Variants in HYDIN observed in about 807,000 individuals in gnomAD.
HYDIN encodes the protein axonemal central pair apparatus protein HYDIN.
Under a neutral mutation model 403.9 loss-of-function variants are expected in HYDIN, and 132 were observed. The observed-to-expected ratio is 0.33, with a 90% CI of 0.28 to 0.38. The LOEUF is 0.38. HYDIN is among the 10% of genes least tolerant of loss of function. The pLI is 1.00. For synonymous variants in HYDIN, 1,202 were observed against 1,891.7 expected, an observed-to-expected ratio of 0.64 and a Z score of 9.46; for missense variants, 2,827 against 5,009.5, an observed-to-expected ratio of 0.56 and a Z score of 13.15.
chr16:71,183,001 G>A (rs2086969814), intron 3 of HYDIN, among the ~76,000 whole-genome samples: 1 of 152,058 alleles, frequency 6.6e-6, no homozygotes, highest in Non-Finnish European at 1.5e-5. Context: ...AATGCTATGA[G>A]ACAACATGGA....
chr16:70,966,808 A>G (rs1011076226), intron 36 of HYDIN, among the ~76,000 whole-genome samples: 1 of 152,108 alleles, frequency 6.6e-6, no homozygotes, highest in African/African-American at 2.4e-5. Flanking sequence ...TGAGCTGTAG[A>G]CAACCCAGAA....
At chr16:70,982,107 G>A (rs1039027739) in intron 28 of HYDIN, among the ~76,000 whole-genome samples, 1 of 134,916 alleles carries the variant, frequency 7.4e-6, no homozygotes, top group African/African-American at 2.8e-5. Context: ...CAACCTGAGC[G>A]ACAGAGCAAG....
At chr16:70,994,200 C>G (rs987912813) in intron 23 of HYDIN, among the ~76,000 whole-genome samples, 1 of 151,772 alleles carries the variant, frequency 6.6e-6, no homozygotes, top group Admixed American at 6.6e-5. Flanking sequence ...TACCCTATTG[C>G]ACAGGGTCTT....
At chr16:71,219,461 T>C (rs946257629) in intron 1 of HYDIN, among the ~76,000 whole-genome samples, 1 of 152,152 alleles carries the variant, frequency 6.6e-6, no homozygotes, top group African/African-American at 2.4e-5. Context: ...TAGGATTTAG[T>C]ATAGGATTTG....
intron 1 of HYDIN, among the ~76,000 whole-genome samples, chr16:71,228,989 A>G (rs2041161783): frequency 6.6e-6 from 1 of 152,288 alleles, no homozygotes; most frequent in African/African-American, 2.4e-5. Context: ...AAAAAGGATG[A>G]GTTCATGTCC....
At chr16:70,817,614 C>G in intron 84 of HYDIN, 1 of 152,262 alleles carries the variant, frequency 6.6e-6, no homozygotes. Flanking sequence ...ATAATTCCAG[C>G]CATGCACTCC....
intron 1 of HYDIN, among the ~76,000 whole-genome samples, chr16:71,201,515 A>G (rs936076969): frequency 6.6e-6 from 1 of 152,108 alleles, no homozygotes; most frequent in Non-Finnish European, 1.5e-5. Context: ...GCACCTCCCT[A>G]GCTATATGGT....
intron 1 of HYDIN, among the ~76,000 whole-genome samples, chr16:71,195,137 T>A (rs2087626646): frequency 6.6e-6 from 1 of 152,124 alleles, no homozygotes; most frequent in South Asian, 2.1e-4. Flanking sequence ...ATCTATCACA[T>A]CCATCTCATG....
chr16:70,971,846 A>C (rs2143985667), intron 35 of HYDIN, among the ~76,000 whole-genome samples: 1 of 151,562 alleles, frequency 6.6e-6, no homozygotes, highest in South Asian at 2.1e-4. Context: ...ACATGTTATC[A>C]TGCCTAAGAA....
intron 1 of HYDIN, among the ~76,000 whole-genome samples, chr16:71,212,012 A>C (rs954217158): frequency 3.9e-5 from 6 of 152,180 alleles, no homozygotes; most frequent in Non-Finnish European, 8.8e-5. Flanking sequence ...AAAAACAAAA[A>C]TCAACAACAA....
chr16:70,938,091 T>C (rs1402782934), intron 44 of HYDIN, among the ~76,000 whole-genome samples: 2 of 152,112 alleles, frequency 1.3e-5, no homozygotes, highest in Admixed American at 1.3e-4. Flanking sequence ...AGGCTGAGGA[T>C]CCCATGGCAG....
At chr16:71,108,476 T>A (rs1223694144) in intron 10 of HYDIN, among the ~76,000 whole-genome samples, 1 of 152,072 alleles carries the variant, frequency 6.6e-6, no homozygotes, top group Non-Finnish European at 1.5e-5. Flanking sequence ...CTATTATTGA[T>A]CTTGGTGGCA....
chr16:70,922,897 G>A (rs1292498111), intron 45 of HYDIN, among the ~76,000 whole-genome samples: 24 of 146,276 alleles, frequency 1.6e-4, no homozygotes, highest in Non-Finnish European at 3.6e-4. Context: ...CTCCCAAGTA[G>A]CTTGGGACTA....
At chr16:70,850,407 T>C (rs1345887762) in intron 74 of HYDIN, 41 bp downstream of exon 74, 1 of 920,550 alleles carries the variant, frequency 1.1e-6, no homozygotes, top group African/African-American at 1.7e-5. Context: ...CCAGTCAGAA[T>C]GGAAGCTGAG....
chr16:70,859,618 C>T (rs1315710877), intron 71 of HYDIN, among the ~76,000 whole-genome samples: 1 of 152,186 alleles, frequency 6.6e-6, no homozygotes, highest in Admixed American at 6.5e-5. Context: ...TAATTCTGCT[C>T]CATATCATTT....
chr16:71,020,057 T>C, intron 22 of HYDIN, 117 bp downstream of exon 22: 1 of 737,436 alleles, frequency 1.4e-6, no homozygotes, highest in South Asian at 2.3e-5. Flanking sequence ...GTTTGCTTCC[T>C]GGATCCTTTA....
At chr16:71,009,634 G>A (rs112382536) in intron 23 of HYDIN, among the ~76,000 whole-genome samples, 1 of 151,766 alleles carries the variant, frequency 6.6e-6, no homozygotes, top group African/African-American at 2.4e-5. Context: ...TGATTAAGTT[G>A]AGGATCTAGA....
rs1284406433 is a variant in HYDIN, at chr16:71,069,258, G to C, written c.1974+9C>G. ...TTAGCTGTGTGTGCAGGAAGGCCAT[G>C]CACTTTACCCTGATAGCAGCAAATC... On this transcript the variant is annotated intron_variant, in intron 14 of 85. Coordinates refer to ENST00000393567, the MANE Select transcript of HYDIN (RefSeq NM_001270974.2). 2 of 1,607,364 alleles carry C rather than the reference G, an allele frequency of 1.2e-6. No homozygotes were observed. Among genetic ancestry groups the C allele is most frequent in the Admixed American group, 3.3e-5 (2 of 59,818 alleles).
intron 75 of HYDIN, among the ~76,000 whole-genome samples, chr16:70,844,837 T>C (rs2038087589): frequency 6.6e-6 from 1 of 151,524 alleles, no homozygotes; most frequent in Non-Finnish European, 1.5e-5. Flanking sequence ...ATGATTTGGC[T>C]CTCTGTCTGT....
Sources: gnomAD v4.1 joint callset for allele counts (sites outside exome capture counted in the v4.1 genomes callset) on GRCh38, gnomAD v4.1.1 for gene constraint, MANE v1.5 for transcripts, NCBI Gene and HGNC (gene_info 2026-07-23, HGNC 2026-07-21) for gene names.